The following TMEM132D variants were observed in gnomAD, a reference collection of about 807,000 sequenced individuals.
TMEM132D encodes transmembrane protein 132D.
In TMEM132D, 21 loss-of-function variants were observed where a neutral mutation model predicts 62.3. The observed-to-expected ratio is 0.34, with a 90% confidence interval of 0.24 to 0.49. TMEM132D has a LOEUF of 0.49. Among genes scored for constraint, TMEM132D ranks in the 20% least tolerant of loss-of-function variants. The pLI, the probability that TMEM132D is intolerant of heterozygous loss-of-function variation, is 0.99. For synonymous variants in TMEM132D, 621 were observed against 575.6 expected (o/e 1.08, Z -1.13); for missense variants, 1,346 against 1,402.8 (o/e 0.96, Z 0.65).
intron 3 of TMEM132D, among the ~76,000 whole-genome samples, chr12:129,503,018 A>G (rs999335703): frequency 2.6e-5 from 4 of 152,198 alleles, no homozygotes; most frequent in African/African-American, 2.4e-5. Context: ...GCAATAGTAC[A>G]TATCACACAA....
intron 4 of TMEM132D, among the ~76,000 whole-genome samples, chr12:129,294,729 C>T (rs1250099164): frequency 6.6e-6 from 1 of 152,192 alleles, no homozygotes; most frequent in African/African-American, 2.4e-5. Flanking sequence ...TTTATTTTCT[C>T]TACTTTTTTC....
intron 1 of TMEM132D, among the ~76,000 whole-genome samples, chr12:129,721,233 A>G (rs1215385763): frequency 6.6e-6 from 1 of 152,172 alleles, no homozygotes; most frequent in Non-Finnish European, 1.5e-5. Context: ...TCGTGACTTC[A>G]GGAGGCTGGC....
At chr12:129,240,750 TGA>T (rs1284835654) in intron 4 of TMEM132D, among the ~76,000 whole-genome samples, 1 of 152,202 alleles carries the variant, frequency 6.6e-6, no homozygotes, top group Non-Finnish European at 1.5e-5. Context: ...CCTAAGGCAC[TGA>T]GAGCTCAATA....
At chr12:129,344,025 A>G (rs1869603536) in intron 3 of TMEM132D, among the ~76,000 whole-genome samples, 1 of 152,226 alleles carries the variant, frequency 6.6e-6, no homozygotes, top group African/African-American at 2.4e-5. Flanking sequence ...TTGTAGCAGA[A>G]CACATTTCTC....
At chr12:129,868,540 A>G (rs1348127802) in intron 1 of TMEM132D, among the ~76,000 whole-genome samples, 1 of 152,144 alleles carries the variant, frequency 6.6e-6, no homozygotes, top group East Asian at 1.9e-4. Flanking sequence ...TTCCTGTGTC[A>G]GCCGCTGTGG....
At chr12:129,883,517 T>C (rs1874666510) in intron 1 of TMEM132D, among the ~76,000 whole-genome samples, 1 of 152,224 alleles carries the variant, frequency 6.6e-6, no homozygotes, top group Non-Finnish European at 1.5e-5. Context: ...GATATTTTTG[T>C]TTTTATTTGC....
At chr12:129,399,599 C>A (rs1207866236) in intron 3 of TMEM132D, among the ~76,000 whole-genome samples, 1 of 147,062 alleles carries the variant, frequency 6.8e-6, no homozygotes, top group African/African-American at 2.5e-5. Flanking sequence ...ATTCACACCA[C>A]AGAACGTATT....
At chr12:129,396,857 G>GA (rs1291531261) in intron 3 of TMEM132D, among the ~76,000 whole-genome samples, 3 of 152,136 alleles carry the variant, frequency 2.0e-5, no homozygotes, top group African/African-American at 7.2e-5. Flanking sequence ...AATTTTTATG[G>GA]AGGCAATCTA....
At chr12:129,887,033 A>C (rs1197530899) in intron 1 of TMEM132D, among the ~76,000 whole-genome samples, 1 of 152,246 alleles carries the variant, frequency 6.6e-6, no homozygotes, top group African/African-American at 2.4e-5. Flanking sequence ...AGTCTCGGGT[A>C]CGTCCTCATA....
Position 129,788,646 on chromosome 12 carries a change from C to A in TMEM132D, c.80-87948G>T, listed in dbSNP as rs1034894747. ...TATTTCAGGGAGGGAGAAATGTGAACTACAGGATGAATTGATTGACTCATG... is the reference window on the plus strand; with the variant it reads ...TATTTCAGGGAGGGAGAAATGTGAAATACAGGATGAATTGATTGACTCATG... On this transcript the variant is annotated intron_variant, in intron 1 of 8. Coordinates refer to ENST00000422113, the MANE Select transcript of TMEM132D (RefSeq NM_133448.3). Among the ~76,000 whole-genome samples the A allele has an allele frequency of 3.9e-5, 6 of 152,284 alleles. No homozygotes were observed. The South Asian group carries it at 8.3e-4, about 21-fold the overall frequency.
chr12:129,193,462 C>T (rs1399565609), intron 5 of TMEM132D, among the ~76,000 whole-genome samples: 2 of 152,200 alleles, frequency 1.3e-5, no homozygotes, highest in African/African-American at 2.4e-5. Context: ...ATTTGGGCTG[C>T]TGCCACCAGG....
At chr12:129,554,262 T>C (rs1441613292) in intron 2 of TMEM132D, among the ~76,000 whole-genome samples, 1 of 152,206 alleles carries the variant, frequency 6.6e-6, no homozygotes, top group Non-Finnish European at 1.5e-5. Context: ...TGGACTGTGA[T>C]GACAGCTCAA....
chr12:129,804,260 T>A lies in TMEM132D; in HGVS notation c.79+99001A>T, dbSNP rs1479264398. 1.8e-3 allele frequency among the ~76,000 whole-genome samples: 142 copies of A among 77,064 alleles called. 2 individuals carry two copies. The highest frequency in any genetic ancestry group is 3.4e-3 in the Non-Finnish European group (118 of 34,956). 50.6% of individuals were successfully genotyped at this position (77,064 alleles called of 152,430 possible). A position where few individuals can be genotyped will look rare whatever the true frequency, so the allele number is the denominator to read the frequency against. On this transcript the variant is annotated intron_variant, in intron 1 of 8. Transcript: ENST00000422113. ...AAAAAAAGAGAATTTTAGACCAATA[T>A]CCTTGATGAACATTGATGCAAAAAT...
At position 129,358,407 on chromosome 12, in the gene TMEM132D, G is replaced by A. The variant is rs775588805; in HGVS notation, c.1116-20590C>T. Among the ~76,000 whole-genome samples the A allele has an allele frequency of 3.8e-4, 58 of 152,138 alleles. 1 individual carries two copies. Among genetic ancestry groups the A allele is most frequent in the Non-Finnish European group, 6.6e-4 (45 of 68,032 alleles). On this transcript the variant is annotated intron_variant, in intron 3 of 8. Coordinates refer to ENST00000422113, the MANE Select transcript of TMEM132D (RefSeq NM_133448.3). ...GGTGGCCTGGGACTGGCTCCTGGGC[G>A]CTGATTCTGCACTCTCTCTACAGCT...
intron 2 of TMEM132D, among the ~76,000 whole-genome samples, chr12:129,557,293 T>G (rs1440886635): frequency 6.6e-6 from 1 of 152,224 alleles, no homozygotes; most frequent in Non-Finnish European, 1.5e-5. Context: ...TTTTTATCTG[T>G]GCTTATAGGC....
chr12:129,569,991 T>C (rs1165988245), intron 2 of TMEM132D, among the ~76,000 whole-genome samples: 2 of 152,158 alleles, frequency 1.3e-5, no homozygotes, highest in Non-Finnish European at 2.9e-5. Flanking sequence ...AAGCCAGCTG[T>C]TTCTTCAATT....
chr12:129,460,731 A>G (rs932395222), intron 3 of TMEM132D, among the ~76,000 whole-genome samples: 10 of 152,186 alleles, frequency 6.6e-5, no homozygotes, highest in African/African-American at 2.2e-4. Context: ...ACAGAGTGCT[A>G]TATATGACAT....
chr12:129,297,389 C>T (rs748252839), intron 4 of TMEM132D, among the ~76,000 whole-genome samples: 61 of 152,152 alleles, frequency 4.0e-4, no homozygotes, highest in Non-Finnish European at 6.0e-4. Flanking sequence ...AAAGCAACTT[C>T]GGATCATTTA....
At chr12:129,348,021 G>A (rs1043811240) in intron 3 of TMEM132D, among the ~76,000 whole-genome samples, 6 of 152,198 alleles carry the variant, frequency 3.9e-5, no homozygotes, top group Non-Finnish European at 8.8e-5. Context: ...TCTCCTGCCA[G>A]TCAGAATGGC....
Sources: gnomAD v4.1 joint callset for allele counts (sites outside exome capture counted in the v4.1 genomes callset) on GRCh38, gnomAD v4.1.1 for gene constraint, MANE v1.5 for transcripts, NCBI Gene and HGNC (gene_info 2026-07-23, HGNC 2026-07-21) for gene names.